The following BLTP1 variants were observed in gnomAD, a reference collection of about 807,000 sequenced individuals.
The protein encoded by BLTP1 is fragile site-associated protein.
At chr4:122,177,595 C>G in the BLTP1 span, among the ~76,000 whole-genome samples, 48 of 152,240 alleles carry the variant, frequency 3.2e-4, no homozygotes, top group African/African-American at 1.0e-3. Flanking sequence ...TATAAATATT[C>G]TATAAAATTC....
the BLTP1 span, chr4:122,207,167 A>G: frequency 1.9e-6 from 3 of 1,611,048 alleles, no homozygotes; most frequent in Non-Finnish European, 2.5e-6. Context: ...TTTGTTCCAT[A>G]TACGTGGAAT....
At chr4:122,158,034 T>C in the BLTP1 span, among the ~76,000 whole-genome samples, 1 of 152,108 alleles carries the variant, frequency 6.6e-6, no homozygotes, top group Admixed American at 6.5e-5. Context: ...CTGGAAGATA[T>C]GAGAAAAGCC....
chr4:122,201,700 A>C, the BLTP1 span: 4 of 156,092 alleles, frequency 2.6e-5, no homozygotes, highest in African/African-American at 9.6e-5. Flanking sequence ...TTACTACATT[A>C]AAATAAGTGG....
the BLTP1 span, chr4:122,220,329 G>A: frequency 3.1e-6 from 5 of 1,611,798 alleles, no homozygotes; most frequent in African/African-American, 4.0e-5. Context: ...TCATTTGACT[G>A]TAGCATGGAA....
the BLTP1 span, among the ~76,000 whole-genome samples, chr4:122,245,704 A>T: frequency 2.0e-5 from 3 of 152,288 alleles, no homozygotes; most frequent in African/African-American, 7.2e-5. Context: ...AGTAGGGACC[A>T]GAAGAGAGAT....
At chr4:122,318,152 T>G in the BLTP1 span, 2 of 1,596,174 alleles carry the variant, frequency 1.3e-6, no homozygotes, top group Non-Finnish European at 1.7e-6. Context: ...TCCAGAAAAT[T>G]AGGTGCAAGT....
chr4:122,266,749 A>G, the BLTP1 span: 3 of 1,513,458 alleles, frequency 2.0e-6, no homozygotes, highest in African/African-American at 1.4e-5. Context: ...GATAAGCTGT[A>G]AGTTGAGCTA....
chr4:122,352,685 T>G, the BLTP1 span, among the ~76,000 whole-genome samples: 1 of 152,188 alleles, frequency 6.6e-6, no homozygotes. Context: ...TTAATTATTT[T>G]TAGCAAGTTA....
At chr4:122,325,975 C>A in the BLTP1 span, 1 of 462,118 alleles carries the variant, frequency 2.2e-6, no homozygotes, top group Non-Finnish European at 3.8e-6. Context: ...CACTGAAAAT[C>A]TACTTTCAAA....
chr4:122,289,418 G>A, the BLTP1 span: 6 of 806,852 alleles, frequency 7.4e-6, no homozygotes, highest in Non-Finnish European at 9.0e-6. Context: ...ACTTCAGAAA[G>A]CTCCTTTATG....
the BLTP1 span, chr4:122,289,379 T>C: frequency 1.8e-6 from 1 of 561,562 alleles, no homozygotes; most frequent in Non-Finnish European, 2.3e-6. Flanking sequence ...ATTTTTGTCA[T>C]GTATAATATA....
the BLTP1 span, chr4:122,305,562 G>C: frequency 1.0e-6 from 1 of 984,780 alleles, no homozygotes; most frequent in Non-Finnish European, 1.2e-6. Context: ...AGGAAAAAAT[G>C]AACAAAAATT....
chr4:122,291,600 C>A, the BLTP1 span: 1 of 323,590 alleles, frequency 3.1e-6, no homozygotes, highest in Non-Finnish European at 4.4e-6. Flanking sequence ...CTTATTTGTC[C>A]ACGAAGGACT....
At chr4:122,187,892 TA>T in the BLTP1 span, 2 of 1,562,892 alleles carry the variant, frequency 1.3e-6, no homozygotes, top group South Asian at 1.2e-5. Context: ...TTTTTTTTTT[TA>T]GGGACGTTTG....
At chr4:122,247,612 T>G in the BLTP1 span, 2 of 1,199,720 alleles carry the variant, frequency 1.7e-6, no homozygotes, top group Non-Finnish European at 2.1e-6. Context: ...TTTCCCATGT[T>G]TCTATTTCCC....
chr4:122,272,135 TG>T, the BLTP1 span: 9 of 1,596,214 alleles, frequency 5.6e-6, no homozygotes, highest in Admixed American at 1.8e-5. Flanking sequence ...TATCTAAAAT[TG>T]TATATTTTCA....
At chr4:122,234,777 T>C in the BLTP1 span, 1 of 1,610,036 alleles carries the variant, frequency 6.2e-7, no homozygotes, top group Admixed American at 1.7e-5. Context: ...GTTTAGGTTG[T>C]GGTTTTTATG....
chr4:122,345,832 G>A, the BLTP1 span: 1 of 155,136 alleles, frequency 6.4e-6, no homozygotes, highest in Non-Finnish European at 1.4e-5. Context: ...AAGGGAATGA[G>A]GAGTGGGTTC....
chr4:122,232,182 A>T, the BLTP1 span: 2 of 878,674 alleles, frequency 2.3e-6, no homozygotes, highest in East Asian at 1.2e-4. Flanking sequence ...CTTTCTTACG[A>T]GTTAACAAGT....
Sources: allele counts gnomAD v4.1 joint callset (sites outside exome capture counted in the v4.1 genomes callset), GRCh38; gene constraint gnomAD v4.1.1; transcripts MANE v1.5; gene names NCBI Gene and HGNC (gene_info 2026-07-23, HGNC 2026-07-21).